The following SLC6A9 variants were observed in gnomAD, a reference collection of about 807,000 sequenced individuals.
SLC6A9 encodes solute carrier family 6 member 9.
SLC6A9 carries 31 observed loss-of-function variants against 70.9 expected under a neutral mutation model. The observed-to-expected ratio is 0.44, with a 90% CI of 0.33 to 0.59. SLC6A9 has a LOEUF of 0.59. Among genes scored for constraint, SLC6A9 ranks in the 20% least tolerant of loss-of-function variants. SLC6A9 has a pLI of 0.04. For missense variants in SLC6A9, 631 were observed against 845.2 expected (o/e 0.75, Z 3.14); for synonymous variants, 310 against 341.3 (o/e 0.91, Z 1.01).
In SLC6A9 at chr1:43,997,712, T is replaced by C. The variant is rs780669843; in HGVS notation, c.1735A>G (p.Arg579Gly). The change falls in exon 14 of 14, where the codon AGA becomes GGA. Residue 579 changes from arginine (R) to glycine (G), a missense_variant. Transcript: ENST00000372310. The surrounding 1 kb of genome is among the most constrained non-coding windows in gnomAD (Gnocchi z 4.4). Reference protein sequence around the residue: ...QRLKNATKPSRDWGPALLEHR... With the variant: ...QRLKNATKPSGDWGPALLEHR... Reference sequence around the variant, plus strand: ...TCCAGGAGGGCAGGGCCCCAGTCTCTGCTTGGCTTTGTGGCATTTTTCAAA... The same window carrying C: ...TCCAGGAGGGCAGGGCCCCAGTCTCCGCTTGGCTTTGTGGCATTTTTCAAA... The C allele has an allele frequency of 6.2e-7, 1 of 1,608,612 alleles. No individual in the cohort carries two copies. Among genetic ancestry groups the C allele is most frequent in the Admixed American group, 1.7e-5 (1 of 58,148 alleles).
At position 44,001,644 on chromosome 1, in the gene SLC6A9, CAG is replaced by C. The variant is rs1321827544; in HGVS notation, c.963-19_963-18del. ...ACACTGTCCCTGATGGGGAGGAAAA[CAG>C]AGTTCAGCTTCCCTCTCCCCAATTT... On this transcript the variant is annotated intron_variant, in intron 8 of 13. Coordinates refer to ENST00000372310, the MANE Select transcript of SLC6A9 (RefSeq NM_001024845.3). The C allele has an allele frequency of 6.3e-7, 1 of 1,586,264 alleles. No individual in the cohort carries two copies. Among genetic ancestry groups the C allele is most frequent in the South Asian group, 1.1e-5 (1 of 88,578 alleles).
At chr1:44,021,642 C>T (rs1455872807) in intron 2 of SLC6A9, among the ~76,000 whole-genome samples, 4 of 152,208 alleles carry the variant, frequency 2.6e-5, no homozygotes, top group African/African-American at 9.7e-5. Flanking sequence ...CTGGGATGGT[C>T]CAAGTGCATG....
At chr1:44,008,760 C>A (rs2086423288) in intron 4 of SLC6A9, 137 bp from the exon 5 acceptor site, 1 of 703,000 alleles carries the variant, frequency 1.4e-6, no homozygotes, top group Non-Finnish European at 2.3e-6. Flanking sequence ...GGCTCTGACA[C>A]CCAGGCTGGA....
chr1:44,019,431 A>T (rs2154307112), intron 2 of SLC6A9, among the ~76,000 whole-genome samples: 1 of 152,348 alleles, frequency 6.6e-6, no homozygotes, highest in Non-Finnish European at 1.5e-5. Context: ...AGCCAGCCTC[A>T]TGCGCCTGGT....
chr1:44,026,825 GAC>G (rs1294890671), intron 1 of SLC6A9, among the ~76,000 whole-genome samples: 1 of 152,222 alleles, frequency 6.6e-6, no homozygotes, highest in Non-Finnish European at 1.5e-5. Context: ...CCATCAGAGA[GAC>G]AGACTCGGAG....
In SLC6A9 at chr1:44,001,307, T is replaced by C. The variant is rs748158062; in HGVS notation, c.1201-9A>G. The C allele has an allele frequency of 2.5e-6, 4 of 1,614,232 alleles. No individual in the cohort carries two copies. The highest frequency in any genetic ancestry group is 3.4e-6 in the Non-Finnish European group (4 of 1,180,034). ...GTCTCCAGGAGGCAGAACTGCAGGA[T>C]GTGGCTGTCAGATCGGAGACCTGCC... On this transcript the variant is annotated splice_polypyrimidine_tract_variant and intron_variant, in intron 9 of 13. Transcript: ENST00000372310.
chr1:44,021,547 G>T (rs1265490196), intron 2 of SLC6A9, among the ~76,000 whole-genome samples: 1 of 152,224 alleles, frequency 6.6e-6, no homozygotes, highest in African/African-American at 2.4e-5. Flanking sequence ...GGTAAAGGGG[G>T]ATAGAAGTGA....
At chr1:44,028,285 T>C (rs1272905451) in intron 1 of SLC6A9, among the ~76,000 whole-genome samples, 1 of 151,398 alleles carries the variant, frequency 6.6e-6, no homozygotes, top group East Asian at 2.0e-4. Flanking sequence ...GCCTTTGGGG[T>C]CTGGATTTTG....
intron 3 of SLC6A9, chr1:44,010,376 A>G: frequency 9.3e-6 from 4 of 428,026 alleles, no homozygotes; most frequent in Non-Finnish European, 1.7e-5. Flanking sequence ...CACAAGCATA[A>G]GTTGCTGAGA....
chr1:44,008,470 C>T lies in SLC6A9; in HGVS notation c.473G>A (p.Gly158Asp). 6.2e-7 allele frequency: 1 copy of T among 1,614,200 alleles called. No homozygotes were observed. Among genetic ancestry groups the T allele is most frequent in the Non-Finnish European group, 8.5e-7 (1 of 1,180,020 alleles). Residue 158 changes from glycine (G) to aspartate (D), a missense_variant, in exon 5 of 14, where the codon GGT (glycine) becomes GAT (aspartate). Gly to Asp is a moderately conservative substitution (Grantham distance 94). Transcript: ENST00000372310. Reference sequence around the variant, plus strand: ...GGTGAGGTTGGAGGCGTCCAGTACACCGGCGCAGTCATGCGTGTTCCAGGG... The same window carrying T: ...GGTGAGGTTGGAGGCGTCCAGTACATCGGCGCAGTCATGCGTGTTCCAGGG... ...NNPWNTHDCA[G>D]VLDASNLTNG...
intron 4 of SLC6A9, 47 bp downstream of exon 4, chr1:44,009,918 G>T (rs181106798): frequency 6.3e-7 from 1 of 1,599,152 alleles, no homozygotes; most frequent in Non-Finnish European, 8.5e-7. Context: ...CTCAGAGGCC[G>T]TTGTGTGTTT....
rs1422440905 is a variant in SLC6A9 at position 43,997,302 on chromosome 1, T to C, written c.*243A>G. 5 of 539,412 alleles carry C rather than the reference T, an allele frequency of 9.3e-6. No homozygotes were observed. The highest frequency in any genetic ancestry group is 9.8e-6 in the Non-Finnish European group (3 of 305,364). The allele number at this position is 539,412 out of a possible 1,614,324, so 33.4% of individuals were successfully genotyped here. On this transcript the variant is annotated 3_prime_UTR_variant, in exon 14 of 14. Coordinates refer to ENST00000372310, the MANE Select transcript of SLC6A9 (RefSeq NM_001024845.3). This position sits in a 1 kb window ranked among gnomAD's most constrained non-coding sequence, Gnocchi z 4.4. ...TGGCCCGAGACCCCTCCAAAGTGCT[T>C]TGGACCTCCCAGCAACCCTCCACTC...
chr1:44,012,623 G>A (rs1191456359), intron 2 of SLC6A9, among the ~76,000 whole-genome samples: 4 of 152,248 alleles, frequency 2.6e-5, no homozygotes, highest in Non-Finnish European at 2.9e-5. Context: ...CTACCCATTC[G>A]GAGCTGGAAA....
chr1:44,015,954 C>G (rs2086726593), intron 2 of SLC6A9: 2 of 775,518 alleles, frequency 2.6e-6, no homozygotes, highest in South Asian at 1.2e-4. Context: ...TCTCAGGACT[C>G]CAGGTGCCTT....
At chr1:44,006,088 A>G (rs760566053) in intron 5 of SLC6A9, among the ~76,000 whole-genome samples, 6 of 152,196 alleles carry the variant, frequency 3.9e-5, no homozygotes, top group Non-Finnish European at 5.9e-5. Context: ...GGGTTGCACA[A>G]GGCTTTGTGT....
At chr1:43,998,508 C>T (rs2085966964) in intron 12 of SLC6A9, among the ~76,000 whole-genome samples, 1 of 152,174 alleles carries the variant, frequency 6.6e-6, no homozygotes, top group Non-Finnish European at 1.5e-5. Context: ...TCTGTCAAAC[C>T]CTATGTCAGT....
intron 1 of SLC6A9, among the ~76,000 whole-genome samples, 165 bp from the exon 2 acceptor site, chr1:44,024,527 A>T (rs2086946994): frequency 6.6e-6 from 1 of 152,214 alleles, no homozygotes; most frequent in African/African-American, 2.4e-5. Flanking sequence ...GCTCCTTCCC[A>T]GTCCCCCCAA....
At chr1:44,012,568 T>A (rs2086608896) in intron 2 of SLC6A9, among the ~76,000 whole-genome samples, 1 of 152,258 alleles carries the variant, frequency 6.6e-6, no homozygotes, top group Non-Finnish European at 1.5e-5. Context: ...ACACTGGCTA[T>A]GTGCCAGGCA....
At chr1:44,024,213 C>T in intron 2 of SLC6A9, 35 bp downstream of exon 2, 1 of 1,610,126 alleles carries the variant, frequency 6.2e-7, no homozygotes, top group Non-Finnish European at 8.5e-7. Flanking sequence ...GCTTGGGACT[C>T]CCGTTCCTTC....
Sources: gnomAD v4.1 joint callset for allele counts (sites outside exome capture counted in the v4.1 genomes callset) on GRCh38, gnomAD v4.1.1 for gene constraint, Gnocchi (gnomAD v3.1) non-coding constraint, MANE v1.5 for transcripts, NCBI Gene and HGNC (gene_info 2026-07-23, HGNC 2026-07-21) for gene names.